ZSWIM6: variants seen among roughly 807,000 people sequenced by gnomAD.
ZSWIM6 encodes zinc finger SWIM-type containing 6.
ZSWIM6 carries 9 observed loss-of-function variants against 113.2 expected under a neutral mutation model. The observed-to-expected ratio is 0.08, with a 90% CI of 0.05 to 0.14. The LOEUF (loss-of-function observed/expected upper bound fraction) is 0.14. ZSWIM6 is among the 10% of genes least tolerant of loss of function. The pLI is 1.00. For missense variants in ZSWIM6, 1,162 were observed against 1,552.2 expected (o/e 0.75, Z 4.22); for synonymous variants, 611 against 606.5 (o/e 1.01, Z -0.11).
At chr5:61,494,633 A>G (rs1047555889) in intron 4 of ZSWIM6, among the ~76,000 whole-genome samples, 1 of 152,088 alleles carries the variant, frequency 6.6e-6, no homozygotes. Flanking sequence ...GATCTTGAGG[A>G]AAGTTAAGTG....
intron 2 of ZSWIM6, among the ~76,000 whole-genome samples, chr5:61,479,680 A>T (rs1226175817): frequency 6.6e-6 from 1 of 152,216 alleles, no homozygotes; most frequent in Non-Finnish European, 1.5e-5. Context: ...GACAGCCTAA[A>T]TTAGAATACT....
chr5:61,449,381 C>A (rs905669486), intron 1 of ZSWIM6, among the ~76,000 whole-genome samples: 4 of 151,858 alleles, frequency 2.6e-5, no homozygotes, highest in Non-Finnish European at 4.4e-5. Flanking sequence ...AAATTTATTT[C>A]CAGAGTTTTA....
chr5:61,438,096 T>G (rs1746748549), intron 1 of ZSWIM6, among the ~76,000 whole-genome samples: 1 of 152,188 alleles, frequency 6.6e-6, no homozygotes, highest in Admixed American at 6.5e-5. Flanking sequence ...GCTTAGCATA[T>G]TATTTCTTTG....
At position 61,332,336 on chromosome 5, in the gene ZSWIM6, G is replaced by GGCGGCGGCGGGGGCAGCA. The variant is rs1311811346; in HGVS notation, c.75_92dup (p.Ser27_Gly32dup). The GGCGGCGGCGGGGGCAGCA allele has an allele frequency of 5.1e-5, 55 of 1,071,914 alleles. No homozygotes were observed. The highest frequency in any genetic ancestry group is 5.0e-5 in the Non-Finnish European group (44 of 871,470). 66.4% of individuals were successfully genotyped at this position (1,071,914 alleles called of 1,614,324 possible). ...GCTTTGCTGCCGGCCGGGCGGCGGCGGCGGCGGCGGGGGCAGCAGCGGCGG... is the reference window on the plus strand; with the variant it reads ...GCTTTGCTGCCGGCCGGGCGGCGGCGGCGGCGGCGGGGGCAGCAGCGGCGGCGGGGGCAGCAGCGGCGG... On this transcript the variant is annotated inframe_insertion, in exon 1 of 14. Coordinates refer to ENST00000252744, the MANE Select transcript of ZSWIM6 (RefSeq NM_020928.2).
At chr5:61,491,554 C>T (rs1238538141) in intron 3 of ZSWIM6, among the ~76,000 whole-genome samples, 1 of 151,992 alleles carries the variant, frequency 6.6e-6, no homozygotes, top group Non-Finnish European at 1.5e-5. Flanking sequence ...AAATTGATGG[C>T]TCAATAATTT....
intron 1 of ZSWIM6, among the ~76,000 whole-genome samples, chr5:61,353,451 T>TG (rs1744832948): frequency 6.6e-6 from 1 of 152,126 alleles, no homozygotes; most frequent in Non-Finnish European, 1.5e-5. Context: ...AGCTCTCAAG[T>TG]GGGATCATGT....
At chr5:61,426,934 T>C (rs906818636) in intron 1 of ZSWIM6, among the ~76,000 whole-genome samples, 2 of 152,154 alleles carry the variant, frequency 1.3e-5, no homozygotes, top group African/African-American at 2.4e-5. Flanking sequence ...TTGCTCCTTA[T>C]TGGTAGTGTT....
At position 61,461,563 on chromosome 5, in the gene ZSWIM6, T is replaced by C. The variant is rs866162903; in HGVS notation, c.677-11118T>C. On this transcript the variant is annotated intron_variant, in intron 1 of 13. Transcript: ENST00000252744. The stretch of plus-strand genomic sequence containing the variant: ...GGGTTCAGCATCCAGTGGAAAGCTT[T>C]GGAGTGCCCTGTTGCTATAGTAGGC... Among the ~76,000 whole-genome samples the C allele has an allele frequency of 3.9e-5, 6 of 152,280 alleles. 1 individual carries two copies. The South Asian group carries it at 6.2e-4, about 16-fold the overall frequency.
At chr5:61,388,817 G>T (rs1745643863) in intron 1 of ZSWIM6, among the ~76,000 whole-genome samples, 1 of 152,158 alleles carries the variant, frequency 6.6e-6, no homozygotes, top group Non-Finnish European at 1.5e-5. Context: ...TTAAAATGGA[G>T]ATCCATTCTG....
At chr5:61,460,061 T>G (rs947596518) in intron 1 of ZSWIM6, among the ~76,000 whole-genome samples, 1 of 152,264 alleles carries the variant, frequency 6.6e-6, no homozygotes, top group Admixed American at 6.5e-5. Flanking sequence ...TCTGGCATTA[T>G]AAGAAGGTTG....
intron 1 of ZSWIM6, among the ~76,000 whole-genome samples, chr5:61,445,967 A>C (rs776705952): frequency 5.0e-4 from 76 of 152,256 alleles, no homozygotes; most frequent in Admixed American, 9.8e-4. Context: ...GACTTAAGGT[A>C]CATGACCAGT....
At chr5:61,419,817 C>T (rs1204425632) in intron 1 of ZSWIM6, among the ~76,000 whole-genome samples, 1 of 152,160 alleles carries the variant, frequency 6.6e-6, no homozygotes, top group African/African-American at 2.4e-5. Flanking sequence ...GTATGAATTA[C>T]AGAACAGGAT....
chr5:61,365,475 C>T (rs977000604), intron 1 of ZSWIM6, among the ~76,000 whole-genome samples: 1 of 152,210 alleles, frequency 6.6e-6, no homozygotes, highest in Middle Eastern at 3.4e-3. Context: ...AGAAATATAG[C>T]AGTCCTTGAT....
At chr5:61,350,863 A>G (rs565162404) in intron 1 of ZSWIM6, among the ~76,000 whole-genome samples, 10 of 152,200 alleles carry the variant, frequency 6.6e-5, no homozygotes, top group Non-Finnish European at 1.0e-4. Flanking sequence ...AGAGGCTCAC[A>G]TGGGAATACA....
At chr5:61,339,510 T>G (rs1481616639) in intron 1 of ZSWIM6, among the ~76,000 whole-genome samples, 1 of 151,582 alleles carries the variant, frequency 6.6e-6, no homozygotes, top group Non-Finnish European at 1.5e-5. Flanking sequence ...AAAATAAATT[T>G]GGTACCTTTA....
chr5:61,494,502 A>G, intron 4 of ZSWIM6, 92 bp downstream of exon 4: 1 of 1,466,060 alleles, frequency 6.8e-7, no homozygotes, highest in East Asian at 2.5e-5. Flanking sequence ...GTATTGCTGA[A>G]GAGAGAGCTG....
intron 1 of ZSWIM6, chr5:61,390,877 C>T: frequency 1.1e-6 from 1 of 893,732 alleles, no homozygotes; most frequent in Non-Finnish European, 1.9e-6. Flanking sequence ...ACCACACAGT[C>T]TTTCAGCATG....
At chr5:61,415,566 TG>T (rs1746230484) in intron 1 of ZSWIM6, among the ~76,000 whole-genome samples, 2 of 146,724 alleles carry the variant, frequency 1.4e-5, no homozygotes, top group African/African-American at 5.1e-5. Flanking sequence ...CACTCCAGCC[TG>T]GGCGACAGAG....
At chr5:61,480,623 C>A (rs112709588) in intron 2 of ZSWIM6, among the ~76,000 whole-genome samples, 1 of 152,174 alleles carries the variant, frequency 6.6e-6, no homozygotes, top group Non-Finnish European at 1.5e-5. Flanking sequence ...AAAGGCATTA[C>A]TTACCCCTTT....
Sources: allele counts gnomAD v4.1 joint callset (sites outside exome capture counted in the v4.1 genomes callset), GRCh38; gene constraint gnomAD v4.1.1; transcripts MANE v1.5; gene names NCBI Gene and HGNC (gene_info 2026-07-23, HGNC 2026-07-21).